HMGXB3: variants seen among roughly 807,000 people sequenced by gnomAD.
HMGXB3 encodes HMG-box containing 3, also known as HMG domain-containing protein 3.
In HMGXB3, 45 loss-of-function variants were observed where a neutral mutation model predicts 121.5. That is an observed-to-expected ratio of 0.37 (90% CI 0.29 to 0.47). HMGXB3 has a LOEUF of 0.47. Among genes scored for constraint, HMGXB3 ranks in the 20% least tolerant of loss-of-function variants. HMGXB3 has a pLI of 0.99. For synonymous variants in HMGXB3, 590 were observed against 624.1 expected, an observed-to-expected ratio of 0.95 and a Z score of 0.81; for missense variants, 1,376 against 1,602.2, an observed-to-expected ratio of 0.86 and a Z score of 2.41.
At position 150,052,585 on chromosome 5, in the gene HMGXB3, AC is replaced by A. The variant is rs1233294495; in HGVS notation, c.*397del. ...TGGGAAGGCTGCTGAGGTCTCTCCC[AC>A]CCCTGAGGAGCCCTGGTTTCAGCCC... On this transcript the variant is annotated 3_prime_UTR_variant, in exon 20 of 20. Coordinates refer to ENST00000502717, the MANE Select transcript of HMGXB3 (RefSeq NM_014983.3). The A allele has an allele frequency of 1.0e-5, 2 of 194,584 alleles. No individual in the cohort carries two copies. Among genetic ancestry groups the A allele is most frequent in the Non-Finnish European group, 2.1e-5 (2 of 94,262 alleles). 12.1% of individuals were successfully genotyped at this position (194,584 alleles called of 1,614,324 possible). A position where few individuals can be genotyped will look rare whatever the true frequency, so the allele number is the denominator to read the frequency against.
chr5:150,052,290 G>C lies in HMGXB3; in HGVS notation c.*98G>C, dbSNP rs369231982. 5 of 964,400 alleles carry C rather than the reference G, an allele frequency of 5.2e-6. No individual in the cohort carries two copies. The highest frequency in any genetic ancestry group is 5.3e-5 in the East Asian group (2 of 37,950). 59.7% of individuals were successfully genotyped at this position (964,400 alleles called of 1,614,324 possible). On this transcript the variant is annotated 3_prime_UTR_variant, in exon 20 of 20. Transcript: ENST00000502717. ...AGGGGACCTGCAGAAGTGGTCTCCT[G>C]TGGGGAGGGCCTCTGACTGCTGGGA...
In HMGXB3 at chr5:150,024,483, C is replaced by T. The variant is rs1055218674; in HGVS notation, c.1263C>T (p.Ser421=). ...EESEWEEVII[S]DAHVLVKEAP... ...GTGAGTGGGAGGAAGTGATCATCTC[C>T]GATGCCCATGTTTTGGTTAAGGAAG... Residue 421 remains serine, a synonymous_variant, in exon 7 of 20, where the codon TCC becomes TCT. Coordinates refer to ENST00000502717, the MANE Select transcript of HMGXB3 (RefSeq NM_014983.3). 23 of 1,551,674 alleles carry T rather than the reference C, an allele frequency of 1.5e-5. No homozygotes were observed. In the African/African-American group the frequency reaches 1.6e-4, roughly 11 times the overall value.
At chr5:150,049,778 T>C (rs986113652) in intron 18 of HMGXB3, among the ~76,000 whole-genome samples, 7 of 152,074 alleles carry the variant, frequency 4.6e-5, no homozygotes, top group Non-Finnish European at 1.0e-4. Context: ...CTAGGCTACA[T>C]TGTGGATTCC....
intron 6 of HMGXB3, 32 bp from the exon 7 acceptor site, chr5:150,024,230 C>G: frequency 3.4e-6 from 5 of 1,461,736 alleles, no homozygotes; most frequent in Non-Finnish European, 4.5e-6. Context: ...TGTAAAATCC[C>G]TTATGTATAC....
intron 5 of HMGXB3, among the ~76,000 whole-genome samples, chr5:150,013,974 T>C (rs1261989717): frequency 2.0e-5 from 3 of 152,246 alleles, no homozygotes; most frequent in African/African-American, 7.2e-5. Context: ...GGTAATGCTT[T>C]ACATTACAAC....
At position 150,052,040 on chromosome 5, in the gene HMGXB3, A is replaced by G; in HGVS notation, c.3727A>G (p.Ile1243Val). Residue 1243 changes from isoleucine (I) to valine (V), a missense_variant, in exon 20 of 20, where the codon ATT (isoleucine) becomes GTT (valine). Around this residue, in one of 2 missense-constraint regions of HMGXB3, gnomAD observed 260 missense variants for 233.2 expected, o/e 1.11. Transcript: ENST00000502717. ...RLMDFLTSRE[I>V]VNRQIHDIVQ... ...CATGGACTTCCTCACCAGCCGCGAA[A>G]TTGTCAATCGTCAGATCCATGACAT... 6.4e-7 allele frequency: 1 copy of G among 1,552,052 alleles called. No individual in the cohort carries two copies. Among genetic ancestry groups the G allele is most frequent in the African/African-American group, 1.4e-5 (1 of 73,198 alleles).
At chr5:150,021,743 A>G (rs1422863414) in intron 6 of HMGXB3, 9 of 510,530 alleles carry the variant, frequency 1.8e-5, no homozygotes, top group Non-Finnish European at 3.1e-5. Flanking sequence ...GTGATTCTCA[A>G]AGTCTTGGTA....
chr5:150,018,643 G>A lies in HMGXB3; in HGVS notation c.987G>A (p.Lys329=), dbSNP rs780673482. ...GCSFTYVTRH[K]PPKCPTCGNF... ...CCTTTACATATGTCACCAGGCACAA[G>A]CCACCTAAGTGCCCTACCTGTGGTA... The change falls in exon 6 of 20, where the codon AAG becomes AAA. Residue 329 remains lysine, a synonymous_variant. Transcript: ENST00000502717. 41 of 1,551,122 alleles carry A rather than the reference G, an allele frequency of 2.6e-5. No individual in the cohort carries two copies. Among genetic ancestry groups the A allele is most frequent in the Non-Finnish European group, 3.3e-5 (38 of 1,146,810 alleles).
At chr5:150,006,048 C>G (rs1755695536) in intron 2 of HMGXB3, among the ~76,000 whole-genome samples, 1 of 152,150 alleles carries the variant, frequency 6.6e-6, no homozygotes, top group African/African-American at 2.4e-5. Flanking sequence ...CCTTGGAGCC[C>G]CTTATCTTCC....
At chr5:150,002,164 GT>G (rs1755588022) in intron 1 of HMGXB3, among the ~76,000 whole-genome samples, 1 of 152,200 alleles carries the variant, frequency 6.6e-6, no homozygotes, top group Admixed American at 6.5e-5. Flanking sequence ...AAGGAATAAT[GT>G]GTGCTTTACC....
rs369222267 is a variant in HMGXB3 at position 150,026,847 on chromosome 5, A to T, written c.1602A>T (p.Gly534=). ...PVNVGRGSSM[G]LPRARQAFSL... ...ACGTGGGGCGAGGCAGCAGCATGGGACTGCCCAGGGCCAGGCAGGCCTTTT... is the reference window on the plus strand; with the variant it reads ...ACGTGGGGCGAGGCAGCAGCATGGGTCTGCCCAGGGCCAGGCAGGCCTTTT... The change falls in exon 8 of 20, where the codon GGA becomes GGT. Residue 534 remains glycine, a synonymous_variant. Transcript: ENST00000502717. 8.3e-5 allele frequency: 127 copies of T among 1,533,350 alleles called. No homozygotes were observed. Among genetic ancestry groups the T allele is most frequent in the Non-Finnish European group, 1.0e-4 (119 of 1,138,734 alleles). 95.0% of individuals were successfully genotyped at this position (1,533,350 alleles called of 1,614,324 possible). A position where few individuals can be genotyped will look rare whatever the true frequency, so the allele number is the denominator to read the frequency against.
At chr5:150,012,187 G>A (rs776757102) in intron 4 of HMGXB3, 68 bp from the exon 5 acceptor site, 2 of 1,076,810 alleles carry the variant, frequency 1.9e-6, no homozygotes, top group Non-Finnish European at 2.8e-6. Context: ...GGCTTCCAGT[G>A]TTGAGTGGCC....
intron 2 of HMGXB3, among the ~76,000 whole-genome samples, chr5:150,006,211 A>G (rs1257652808): frequency 2.6e-5 from 4 of 152,254 alleles, no homozygotes; most frequent in Admixed American, 2.0e-4. Context: ...AGTTATAATC[A>G]GGAATAAGAT....
At chr5:150,004,610 G>A (rs139474606) in intron 1 of HMGXB3, among the ~76,000 whole-genome samples, 137 of 152,308 alleles carry the variant, frequency 9.0e-4, no homozygotes, top group African/African-American at 3.2e-3. Flanking sequence ...AATCACCTGA[G>A]GCATTTGTTA....
intron 5 of HMGXB3, among the ~76,000 whole-genome samples, chr5:150,016,110 T>C (rs1251762018): frequency 6.6e-6 from 1 of 152,148 alleles, no homozygotes; most frequent in Non-Finnish European, 1.5e-5. Flanking sequence ...TTTGAGAGAC[T>C]GAGGCAGAAG....
chr5:150,042,626 G>A (rs1447263552), intron 15 of HMGXB3, among the ~76,000 whole-genome samples: 1 of 152,018 alleles, frequency 6.6e-6, no homozygotes, highest in African/African-American at 2.4e-5. Flanking sequence ...GGAGTGGTGG[G>A]GTGTATGAGG....
rs572565620 is a variant in HMGXB3, at chr5:150,006,373, GA to G, written c.138-98del. 181 of 969,946 alleles carry G rather than the reference GA, an allele frequency of 1.9e-4. No individual in the cohort carries two copies. The African/African-American group carries it at 2.5e-3, about 13-fold the overall frequency. The allele number at this position is 969,946 out of a possible 1,614,324, so 60.1% of individuals were successfully genotyped here. A position where few individuals can be genotyped will look rare whatever the true frequency, so the allele number is the denominator to read the frequency against. On this transcript the variant is annotated intron_variant, in intron 2 of 19. Coordinates refer to ENST00000502717, the MANE Select transcript of HMGXB3 (RefSeq NM_014983.3). ...CTTAGCATAGTAGTACTTACTGGTT[GA>G]ATGAAGTCCTGGGTCGAGGGATGGG...
At position 150,010,120 on chromosome 5, in the gene HMGXB3, C is replaced by T; in HGVS notation, c.322C>T (p.Leu108Phe). Residue 108 changes from leucine (L) to phenylalanine (F), a missense_variant, in exon 4 of 20, where the codon CTC becomes TTC. Physicochemically the swap from Leu to Phe is conservative, Grantham distance 22. This residue lies in a region of HMGXB3 where 1,116 missense variants were observed against 1,369.0 expected (regional missense o/e 0.82). Transcript: ENST00000502717. The part of the protein sequence containing the change: ...EKEGLDPNSK[L>F]SALTAVVPDI... ...GCTTCCTCATCCTCAGAACTCTAAG[C>T]TCTCTGCACTGACTGCTGTGGTTCC... 6.4e-7 allele frequency: 1 copy of T among 1,550,742 alleles called. No homozygotes were observed.
chr5:150,042,547 G>C lies in HMGXB3; in HGVS notation c.2730+578G>C, dbSNP rs543251727. ...ACAGCTCGAACAGGGTCTGAGGAAGGCTTGCTGGGTATGATTGAGGACCAG... is the reference window on the plus strand; with the variant it reads ...ACAGCTCGAACAGGGTCTGAGGAAGCCTTGCTGGGTATGATTGAGGACCAG... On this transcript the variant is annotated intron_variant, in intron 15 of 19. Coordinates refer to ENST00000502717, the MANE Select transcript of HMGXB3 (RefSeq NM_014983.3). Among the ~76,000 whole-genome samples the C allele has an allele frequency of 9.2e-5, 14 of 152,138 alleles. No homozygotes were observed. In the South Asian group the frequency reaches 2.7e-3, roughly 29 times the overall value.
Sources: gnomAD v4.1 joint callset for allele counts (sites outside exome capture counted in the v4.1 genomes callset) on GRCh38, gnomAD v4.1.1 for gene constraint, gnomAD v4.1.1 regional missense constraint, MANE v1.5 for transcripts, NCBI Gene and HGNC (gene_info 2026-07-23, HGNC 2026-07-21) for gene names.